Variants in DOCK2 observed in about 807,000 individuals in gnomAD.
DOCK2 encodes dedicator of cytokinesis protein 2.
DOCK2 carries 87 observed loss-of-function variants against 248.9 expected under a neutral mutation model. That is an observed-to-expected ratio of 0.35 (90% CI 0.29 to 0.42). The LOEUF (loss-of-function observed/expected upper bound fraction) is 0.42. Among genes scored for constraint, DOCK2 ranks in the 10% least tolerant of loss-of-function variants. DOCK2 has a pLI of 1.00. For missense variants in DOCK2, 1,747 were observed against 2,300.2 expected (o/e 0.76, Z 4.92); for synonymous variants, 805 against 821.6 (o/e 0.98, Z 0.35).
chr5:169,933,231 C>G (rs1427146889), intron 27 of DOCK2, among the ~76,000 whole-genome samples: 1 of 152,244 alleles, frequency 6.6e-6, no homozygotes, highest in Admixed American at 6.5e-5. Flanking sequence ...GTTCTGTTTA[C>G]TAGTAGCTTC....
chr5:169,660,952 T>C (rs578175025), intron 2 of DOCK2, among the ~76,000 whole-genome samples: 1 of 148,724 alleles, frequency 6.7e-6, no homozygotes, highest in East Asian at 2.0e-4. Context: ...GTGATGGAAA[T>C]ATGTTGAAAT....
intron 29 of DOCK2, among the ~76,000 whole-genome samples, chr5:169,988,226 A>T (rs1209141858): frequency 6.6e-6 from 1 of 152,230 alleles, no homozygotes; most frequent in Non-Finnish European, 1.5e-5. Flanking sequence ...TATAGAACAC[A>T]TGAAATGTTC....
intron 30 of DOCK2, among the ~76,000 whole-genome samples, chr5:170,004,252 G>C (rs959725792): frequency 6.6e-6 from 1 of 152,160 alleles, no homozygotes; most frequent in East Asian, 1.9e-4. Flanking sequence ...AAAAAATGAA[G>C]TACTTCCACA....
chr5:169,654,368 G>A (rs753293125), intron 1 of DOCK2, 35 bp from the exon 2 acceptor site: 1 of 1,611,018 alleles, frequency 6.2e-7, no homozygotes, highest in East Asian at 2.2e-5. Context: ...GAGATCTAGA[G>A]GTCTCACCTA....
intron 27 of DOCK2, among the ~76,000 whole-genome samples, chr5:169,982,821 A>G (rs756619131): frequency 5.9e-5 from 9 of 152,214 alleles, no homozygotes; most frequent in Non-Finnish European, 1.0e-4. Context: ...AACTGTCTCC[A>G]TGATTTTGAA....
intron 22 of DOCK2, among the ~76,000 whole-genome samples, chr5:169,731,993 C>A (rs1762799725): frequency 6.6e-6 from 1 of 152,002 alleles, no homozygotes; most frequent in Non-Finnish European, 1.5e-5. Context: ...GGTGGCACAG[C>A]CTGAAGTCCC....
chr5:169,957,195 G>T (rs1776905589), intron 27 of DOCK2, among the ~76,000 whole-genome samples: 1 of 152,186 alleles, frequency 6.6e-6, no homozygotes, highest in Admixed American at 6.5e-5. Flanking sequence ...AAATAATGGT[G>T]AATAAATGAA....
At chr5:169,934,315 A>C (rs1775888361) in intron 27 of DOCK2, among the ~76,000 whole-genome samples, 1 of 152,182 alleles carries the variant, frequency 6.6e-6, no homozygotes, top group Admixed American at 6.5e-5. Flanking sequence ...GCTGATTTGC[A>C]TTCCCCTCCT....
intron 27 of DOCK2, among the ~76,000 whole-genome samples, chr5:169,955,047 C>T (rs1339413515): frequency 1.3e-5 from 2 of 152,214 alleles, no homozygotes; most frequent in Non-Finnish European, 2.9e-5. Flanking sequence ...TCTCCACCAG[C>T]CAAGAGCAAA....
chr5:169,833,977 T>C (rs1394097688), intron 26 of DOCK2, among the ~76,000 whole-genome samples: 11 of 151,110 alleles, frequency 7.3e-5, no homozygotes, highest in African/African-American at 2.7e-4. Context: ...TCCAGCTAAA[T>C]GTCCCAACCA....
At chr5:169,913,768 C>A (rs1199581027) in intron 27 of DOCK2, among the ~76,000 whole-genome samples, 2 of 152,128 alleles carry the variant, frequency 1.3e-5, no homozygotes, top group African/African-American at 4.8e-5. Context: ...ATTGGTCTAA[C>A]CCTCTTATTT....
intron 27 of DOCK2, chr5:169,934,527 T>C (rs1042573723): frequency 7.4e-6 from 3 of 405,520 alleles, no homozygotes; most frequent in African/African-American, 2.1e-5. Flanking sequence ...CCCACATTTC[T>C]TCCAGCCTAA....
intron 25 of DOCK2, among the ~76,000 whole-genome samples, chr5:169,768,054 C>G (rs759625512): frequency 1.3e-5 from 2 of 152,198 alleles, no homozygotes; most frequent in Admixed American, 6.5e-5. Context: ...CCAGCTGGTG[C>G]ATGTGGCCTC....
chr5:169,945,119 T>C (rs1248559222), intron 27 of DOCK2, among the ~76,000 whole-genome samples: 1 of 152,184 alleles, frequency 6.6e-6, no homozygotes, highest in Admixed American at 6.5e-5. Context: ...TTTCATTTTC[T>C]TTCTCTTGGC....
intron 26 of DOCK2, among the ~76,000 whole-genome samples, chr5:169,807,432 CCTGT>C (rs1222783668): frequency 1.3e-5 from 2 of 152,142 alleles, no homozygotes; most frequent in East Asian, 1.9e-4. Flanking sequence ...TCTAATATGA[CCTGT>C]CTTTTTTTTT....
chr5:169,789,948 T>C (rs1475243959), intron 25 of DOCK2, among the ~76,000 whole-genome samples: 1 of 152,222 alleles, frequency 6.6e-6, no homozygotes, highest in Non-Finnish European at 1.5e-5. Flanking sequence ...TGAAATATAG[T>C]ATACTTCTTG....
At chr5:170,067,274 CT>C (rs111763501) in intron 44 of DOCK2, among the ~76,000 whole-genome samples, 6,096 of 152,228 alleles carry the variant, frequency 0.04, 192 homozygotes, top group African/African-American at 0.088. Context: ...GTACCTGACA[CT>C]TCCTGCTTCT....
intron 22 of DOCK2, among the ~76,000 whole-genome samples, chr5:169,742,432 C>T (rs1763366870): frequency 6.6e-6 from 1 of 152,164 alleles, no homozygotes; most frequent in Non-Finnish European, 1.5e-5. Context: ...AACTAATAAG[C>T]GACAGAGCAA....
chr5:169,881,956 G>T (rs1043821282), intron 27 of DOCK2, among the ~76,000 whole-genome samples: 1 of 152,140 alleles, frequency 6.6e-6, no homozygotes, highest in Non-Finnish European at 1.5e-5. Flanking sequence ...CTCCTATACT[G>T]GTGCTGAGTC....
Sources: gnomAD v4.1 joint callset for allele counts (sites outside exome capture counted in the v4.1 genomes callset) on GRCh38, gnomAD v4.1.1 for gene constraint, MANE v1.5 for transcripts, NCBI Gene and HGNC (gene_info 2026-07-23, HGNC 2026-07-21) for gene names.